Variants in ZNF385B observed in about 807,000 individuals in gnomAD.
The protein encoded by ZNF385B is zinc finger protein 533.
ZNF385B carries 23 observed loss-of-function variants against 39.2 expected under a neutral mutation model. The observed-to-expected ratio is 0.59, with a 90% CI of 0.42 to 0.83. The LOEUF (loss-of-function observed/expected upper bound fraction) is 0.83. ZNF385B is among the 40% of genes least tolerant of loss of function. The pLI, the probability that ZNF385B is intolerant of heterozygous loss-of-function variation, is 0.00. For missense variants in ZNF385B, 552 were observed against 598.9 expected (o/e 0.92, Z 0.82); for synonymous variants, 205 against 222.6 (o/e 0.92, Z 0.70).
rs148489620 is a variant in ZNF385B, at chr2:179,789,816, G to A, written c.-154-19144C>T. 4.2e-3 allele frequency among the ~76,000 whole-genome samples: 633 copies of A among 152,188 alleles called. 2 individuals are homozygous for A. The highest frequency in any genetic ancestry group is 6.7e-3 in the Non-Finnish European group (455 of 67,980). On this transcript the variant is annotated intron_variant, in intron 1 of 9. Coordinates refer to ENST00000410066, the MANE Select transcript of ZNF385B (RefSeq NM_152520.6). ...AAAAGGACTCGTGCCAAACATAAGA[G>A]AAGTTTGCCTATTTGGGGATGGGAG...
At chr2:179,772,549 A>G (rs564087791) in intron 1 of ZNF385B, among the ~76,000 whole-genome samples, 216 of 152,328 alleles carry the variant, frequency 1.4e-3, no homozygotes, top group Non-Finnish European at 2.2e-3. Context: ...TGGGAAAATG[A>G]CCTAGAGGTG....
At chr2:179,824,771 A>AT (rs5836697) in intron 1 of ZNF385B, among the ~76,000 whole-genome samples, 1 of 151,570 alleles carries the variant, frequency 6.6e-6, no homozygotes, top group Non-Finnish European at 1.5e-5. Context: ...TTATTGGAGA[A>AT]TTTTTTTAAT....
At chr2:179,692,987 T>G (rs1698465908) in intron 3 of ZNF385B, among the ~76,000 whole-genome samples, 1 of 152,190 alleles carries the variant, frequency 6.6e-6, no homozygotes, top group Non-Finnish European at 1.5e-5. Context: ...GCACCAGCAG[T>G]GTCTATCTCC....
chr2:179,750,193 A>T (rs1702592334), intron 3 of ZNF385B, among the ~76,000 whole-genome samples: 1 of 152,086 alleles, frequency 6.6e-6, no homozygotes, highest in Non-Finnish European at 1.5e-5. Context: ...CTCAAATTCA[A>T]AGCATTTGTG....
chr2:179,635,644 A>C (rs1691688647), intron 3 of ZNF385B, among the ~76,000 whole-genome samples: 1 of 152,198 alleles, frequency 6.6e-6, no homozygotes, highest in Non-Finnish European at 1.5e-5. Flanking sequence ...TAAATATAAA[A>C]AAGCTAGAAA....
At chr2:179,728,161 T>A (rs993722727) in intron 3 of ZNF385B, among the ~76,000 whole-genome samples, 1 of 152,128 alleles carries the variant, frequency 6.6e-6, no homozygotes, top group South Asian at 2.1e-4. Flanking sequence ...CTGAATGTAG[T>A]TATCTCAATA....
intron 3 of ZNF385B, among the ~76,000 whole-genome samples, chr2:179,749,396 C>G (rs1402661668): frequency 6.6e-6 from 1 of 152,022 alleles, no homozygotes; most frequent in African/African-American, 2.4e-5. Flanking sequence ...TCCATGTAAT[C>G]AGAAGAGCAA....
chr2:179,537,330 AAT>A (rs2059638315), intron 4 of ZNF385B, among the ~76,000 whole-genome samples: 2 of 149,152 alleles, frequency 1.3e-5, no homozygotes, highest in African/African-American at 5.1e-5. Context: ...ATAAAAAAAA[AAT>A]AAAAAAGAAA....
intron 1 of ZNF385B, among the ~76,000 whole-genome samples, chr2:179,832,770 T>C (rs1708050030): frequency 6.6e-6 from 1 of 152,180 alleles, no homozygotes; most frequent in Admixed American, 6.6e-5. Context: ...TAAAATAAGA[T>C]ATGCTTAGAG....
intron 3 of ZNF385B, among the ~76,000 whole-genome samples, chr2:179,595,684 A>G (rs919249385): frequency 6.8e-6 from 1 of 147,976 alleles, no homozygotes; most frequent in Admixed American, 6.7e-5. Flanking sequence ...GGAGTGAAGT[A>G]GTATGATCAC....
intron 3 of ZNF385B, among the ~76,000 whole-genome samples, chr2:179,661,133 C>T (rs2106276881): frequency 6.6e-6 from 1 of 151,924 alleles, no homozygotes; most frequent in Middle Eastern, 3.4e-3. Context: ...AATAGGAAAA[C>T]TGAGGGAAAG....
intron 3 of ZNF385B, among the ~76,000 whole-genome samples, chr2:179,667,373 A>G (rs923333440): frequency 6.6e-6 from 1 of 152,200 alleles, no homozygotes; most frequent in African/African-American, 2.4e-5. Flanking sequence ...CATGTGCTGC[A>G]ACTTTTACCT....
chr2:179,537,462 G>C (rs912698936), intron 4 of ZNF385B, among the ~76,000 whole-genome samples: 4 of 151,788 alleles, frequency 2.6e-5, no homozygotes, highest in Non-Finnish European at 5.9e-5. Flanking sequence ...GAAATGGGCC[G>C]GGCATGGTGG....
intron 3 of ZNF385B, among the ~76,000 whole-genome samples, chr2:179,753,505 T>C (rs1702813585): frequency 6.6e-6 from 1 of 152,208 alleles, no homozygotes. Flanking sequence ...AGGGATAGCA[T>C]TAAATCTATA....
At chr2:179,631,195 A>T (rs1275480755) in intron 3 of ZNF385B, among the ~76,000 whole-genome samples, 6 of 152,156 alleles carry the variant, frequency 3.9e-5, no homozygotes, top group Non-Finnish European at 7.4e-5. Flanking sequence ...CCTCGACACG[A>T]GCAACCACAG....
At chr2:179,704,146 T>C (rs2106370310) in intron 3 of ZNF385B, among the ~76,000 whole-genome samples, 1 of 152,304 alleles carries the variant, frequency 6.6e-6, no homozygotes, top group East Asian at 1.9e-4. Context: ...AATCCAGTGA[T>C]ATGGAATTGG....
intron 3 of ZNF385B, among the ~76,000 whole-genome samples, chr2:179,635,358 G>A (rs1355916459): frequency 8.0e-6 from 1 of 125,368 alleles, no homozygotes; most frequent in East Asian, 2.8e-4. Flanking sequence ...CACAGAGTGA[G>A]GAACATCACA....
At chr2:179,536,046 A>C (rs549289056) in intron 4 of ZNF385B, among the ~76,000 whole-genome samples, 11 of 152,314 alleles carry the variant, frequency 7.2e-5, no homozygotes, top group Non-Finnish European at 1.3e-4. Flanking sequence ...CTAATTTAGA[A>C]ATACATTTTC....
chr2:179,718,421 A>G (rs1700467613), intron 3 of ZNF385B, among the ~76,000 whole-genome samples: 1 of 147,964 alleles, frequency 6.8e-6, no homozygotes, highest in Non-Finnish European at 1.5e-5. Flanking sequence ...TATCATAAAG[A>G]TATATATATT....
Sources: allele counts gnomAD v4.1 joint callset (sites outside exome capture counted in the v4.1 genomes callset), GRCh38; gene constraint gnomAD v4.1.1; transcripts MANE v1.5; gene names NCBI Gene and HGNC (gene_info 2026-07-23, HGNC 2026-07-21).